ACYP2: variants seen among roughly 807,000 people sequenced by gnomAD.
ACYP2 encodes acylphosphatase-2.
In ACYP2, 12 loss-of-function variants were observed where a neutral mutation model predicts 11.2. The observed-to-expected ratio is 1.08, with a 90% CI of 0.69 to 1.74. The LOEUF (loss-of-function observed/expected upper bound fraction) is 1.74, where lower values mean the gene tolerates loss of function less well. Ranked by LOEUF, ACYP2 falls within the 40% of genes most tolerant of loss-of-function variation. ACYP2 has a pLI of 0.00. For missense variants in ACYP2, 134 were observed against 101.9 expected (o/e 1.31, Z -1.35); for synonymous variants, 43 against 32.2 (o/e 1.33, Z -1.13).
chr2:54,089,274 GCTAA>G lies in ACYP2; in HGVS notation c.277+31919_277+31922del, dbSNP rs142342840. ...ACTAATTGAATCAATGTGTTAACTT[GCTAA>G]CTAAGTATTTATTTTTAATATTAAA... On this transcript the variant is annotated intron_variant, in intron 4 of 6. Coordinates refer to ENST00000607452, the MANE Select transcript of ACYP2 (RefSeq NM_001320586.2). Among the ~76,000 whole-genome samples the G allele has an allele frequency of 8.1e-3, 1,238 of 152,200 alleles. 11 individuals are homozygous for G. The highest frequency in any genetic ancestry group is 0.011 in the Non-Finnish European group (768 of 68,012).
chr2:54,162,427 C>G (rs1185942441), intron 6 of ACYP2, among the ~76,000 whole-genome samples: 5 of 152,078 alleles, frequency 3.3e-5, no homozygotes, highest in Non-Finnish European at 5.9e-5. Flanking sequence ...TGGAAGTGCA[C>G]TTGGAGCAAA....
chr2:54,125,115 T>TA (rs542921293), intron 4 of ACYP2, among the ~76,000 whole-genome samples: 64 of 147,604 alleles, frequency 4.3e-4, no homozygotes, highest in East Asian at 2.2e-3. Context: ...CACATGGATT[T>TA]AAAAAAAAAA....
At chr2:54,112,142 CATATT>C (rs200073569) in intron 4 of ACYP2, among the ~76,000 whole-genome samples, 1 of 152,132 alleles carries the variant, frequency 6.6e-6, no homozygotes, top group East Asian at 1.9e-4. Flanking sequence ...CTTTTACAGT[CATATT>C]ATATAAGCAG....
chr2:54,115,816 G>A (rs1180748500), intron 4 of ACYP2, 60 bp downstream of exon 1: 2 of 1,489,624 alleles, frequency 1.3e-6, no homozygotes, highest in East Asian at 2.6e-5. Flanking sequence ...GGAGAAAGCT[G>A]TGAGAAGCGC....
At chr2:54,231,198 G>T in intron 6 of ACYP2, among the ~76,000 whole-genome samples, 1 of 152,098 alleles carries the variant, frequency 6.6e-6, no homozygotes, top group African/African-American at 2.4e-5. Flanking sequence ...ATGACAACAA[G>T]CTGTACCCTG....
chr2:54,159,413 G>C (rs1682606878), intron 6 of ACYP2, among the ~76,000 whole-genome samples: 1 of 148,670 alleles, frequency 6.7e-6, no homozygotes, highest in African/African-American at 2.5e-5. Flanking sequence ...TGACTATGTT[G>C]CACAGGCTGG....
chr2:54,281,208 A>G (rs1688836479), intron 6 of ACYP2, among the ~76,000 whole-genome samples: 1 of 152,246 alleles, frequency 6.6e-6, no homozygotes, highest in Admixed American at 6.5e-5. Context: ...CTTAGAGTCC[A>G]ATTATGATTA....
chr2:54,231,738 G>T (rs7592680), intron 6 of ACYP2, among the ~76,000 whole-genome samples: 1,767 of 152,280 alleles, frequency 0.012, 28 homozygotes, highest in African/African-American at 0.041. Flanking sequence ...CCACTCAAGA[G>T]AGCGACATAA....
chr2:54,268,542 C>A (rs1688136918), intron 6 of ACYP2, among the ~76,000 whole-genome samples: 1 of 151,540 alleles, frequency 6.6e-6, no homozygotes, highest in African/African-American at 2.4e-5. Context: ...TGACTGACAC[C>A]TGTAATCCCA....
chr2:54,256,358 C>T, intron 6 of ACYP2: 1 of 591,400 alleles, frequency 1.7e-6, no homozygotes, highest in Non-Finnish European at 3.0e-6. Context: ...TTATTTTAGC[C>T]ATCGTGCTGG....
rs1396918926 is a variant in ACYP2 at position 54,053,578 on chromosome 2, C to G, written c.155+2528C>G. On this transcript the variant is annotated intron_variant, in intron 3 of 6. Transcript: ENST00000607452. Reference sequence around the variant, plus strand: ...TGTACACCCAGCTTGCCCACCGGCTCTGACTTGCCTGCCCCAAAGGGTTAC... The same window carrying G: ...TGTACACCCAGCTTGCCCACCGGCTGTGACTTGCCTGCCCCAAAGGGTTAC... Among the ~76,000 whole-genome samples the G allele has an allele frequency of 2.6e-5, 4 of 152,346 alleles. No homozygotes were observed. In the East Asian group the frequency reaches 7.7e-4, roughly 29 times the overall value.
At chr2:53,981,942 T>TA (rs2104510891) in intron 2 of ACYP2, among the ~76,000 whole-genome samples, 1 of 152,354 alleles carries the variant, frequency 6.6e-6, no homozygotes, top group Non-Finnish European at 1.5e-5. Context: ...GATATTTAAA[T>TA]ACTAAAAGAA....
intron 6 of ACYP2, among the ~76,000 whole-genome samples, chr2:54,140,615 T>G (rs1311319108): frequency 1.3e-5 from 2 of 152,128 alleles, no homozygotes; most frequent in African/African-American, 2.4e-5. Context: ...TCACGGTGTA[T>G]TCCCTTCTCT....
intron 6 of ACYP2, among the ~76,000 whole-genome samples, chr2:54,157,766 A>G (rs1372018514): frequency 6.6e-6 from 1 of 152,206 alleles, no homozygotes; most frequent in Non-Finnish European, 1.5e-5. Context: ...TGGTTTTCCA[A>G]TTCTAGATGG....
At position 54,201,680 on chromosome 2, in the gene ACYP2, TTCTCTC is replaced by T. The variant is rs60167120; in HGVS notation, c.404+62946_404+62951del. ...TTTCTTTCTTTCTTTCTTTCTTTCTTTCTCTCTCTCTCTCTCTCTTTTTTCTTTTCT... is the reference window on the plus strand; with the variant it reads ...TTTCTTTCTTTCTTTCTTTCTTTCTTTCTCTCTCTCTCTTTTTTCTTTTCT... On this transcript the variant is annotated intron_variant, in intron 6 of 6. Transcript: ENST00000607452. 7.6e-3 allele frequency among the ~76,000 whole-genome samples: 820 copies of T among 107,208 alleles called. 13 individuals are homozygous for T. The highest frequency in any genetic ancestry group is 0.027 in the African/African-American group (730 of 26,628). 70.3% of individuals were successfully genotyped at this position (107,208 alleles called of 152,430 possible).
chr2:54,250,666 C>A (rs1393112504), intron 6 of ACYP2, among the ~76,000 whole-genome samples: 1 of 152,154 alleles, frequency 6.6e-6, no homozygotes, highest in African/African-American at 2.4e-5. Context: ...TAATCTTTTA[C>A]ATTATTGTTT....
At chr2:54,178,019 C>T (rs1052847910) in intron 6 of ACYP2, among the ~76,000 whole-genome samples, 2 of 151,578 alleles carry the variant, frequency 1.3e-5, no homozygotes, top group Admixed American at 6.6e-5. Flanking sequence ...ATTCTCCTGC[C>T]TTAGCCTCCA....
intron 5 of ACYP2, among the ~76,000 whole-genome samples, chr2:54,136,003 T>C (rs1001954900): frequency 1.3e-5 from 2 of 152,252 alleles, no homozygotes; most frequent in Non-Finnish European, 1.5e-5. Context: ...GCTCAAGTGA[T>C]TCTCCTGCCT....
chr2:54,249,208 G>A (rs574520427), intron 6 of ACYP2, among the ~76,000 whole-genome samples: 3 of 152,192 alleles, frequency 2.0e-5, no homozygotes, highest in Admixed American at 1.3e-4. Context: ...ATTCAGGAAG[G>A]GGACTCCTGG....
Sources: gnomAD v4.1 joint callset for allele counts (sites outside exome capture counted in the v4.1 genomes callset) on GRCh38, gnomAD v4.1.1 for gene constraint, MANE v1.5 for transcripts, NCBI Gene and HGNC (gene_info 2026-07-23, HGNC 2026-07-21) for gene names.